FKTN: variants seen among roughly 807,000 people sequenced by gnomAD.
FKTN encodes the protein ribitol-5-phosphate transferase FKTN.
In FKTN, 47 loss-of-function variants were observed where a neutral mutation model predicts 58.6. The observed-to-expected ratio is 0.80, with a 90% CI of 0.63 to 1.02. The LOEUF (loss-of-function observed/expected upper bound fraction) is 1.02, where lower values mean the gene tolerates loss of function less well. FKTN is among the 50% of genes least tolerant of loss of function. The pLI, the probability that FKTN is intolerant of heterozygous loss-of-function variation, is 0.00. For synonymous variants in FKTN, 178 were observed against 191.9 expected, an observed-to-expected ratio of 0.93 and a Z score of 0.60; for missense variants, 516 against 537.3, an observed-to-expected ratio of 0.96 and a Z score of 0.39.
At chr9:105,608,435 C>A (rs1165310101) in intron 7 of FKTN, among the ~76,000 whole-genome samples, 1 of 152,176 alleles carries the variant, frequency 6.6e-6, no homozygotes, top group Non-Finnish European at 1.5e-5. Context: ...AAACTTTATT[C>A]TCTTGCTGCA....
intron 3 of FKTN, among the ~76,000 whole-genome samples, chr9:105,586,986 A>C (rs1047481366): frequency 1.1e-4 from 16 of 152,200 alleles, no homozygotes; most frequent in African/African-American, 3.6e-4. Context: ...CAGCTATTCC[A>C]ACATGTAAAT....
intron 2 of FKTN, chr9:105,574,265 T>C (rs73668913): frequency 2.6e-5 from 4 of 151,974 alleles, no homozygotes; most frequent in East Asian, 1.9e-4. Flanking sequence ...ATTTGAAGGA[T>C]TGAAGGAATA....
Position 105,575,017 on chromosome 9 carries a change from T to C in FKTN, c.-16T>C. 1 of 1,366,556 alleles carries C rather than the reference T, an allele frequency of 7.3e-7. No individual in the cohort carries two copies. Among genetic ancestry groups the C allele is most frequent in the Non-Finnish European group, 1.0e-6 (1 of 954,744 alleles). 84.7% of individuals were successfully genotyped at this position (1,366,556 alleles called of 1,614,324 possible). On this transcript the variant is annotated 5_prime_UTR_variant, in exon 3 of 11. Transcript: ENST00000357998. ...GAGATACTTTCAAAAGACAACCAAG[T>C]GAGCAGCACAGACTAATGAGTAGAA... is the stretch of plus-strand genomic sequence containing the variant.
At chr9:105,602,478 C>T (rs370047972) in intron 5 of FKTN, among the ~76,000 whole-genome samples, 1 of 152,212 alleles carries the variant, frequency 6.6e-6, no homozygotes, top group Non-Finnish European at 1.5e-5. Context: ...GAAGCAAAAG[C>T]TCAGCCATAC....
intron 3 of FKTN, among the ~76,000 whole-genome samples, chr9:105,585,722 C>T (rs1227185374): frequency 1.3e-5 from 2 of 152,124 alleles, no homozygotes; most frequent in East Asian, 3.9e-4. Context: ...CTCTGTTGTT[C>T]AATGAGCAGT....
chr9:105,602,891 TA>T (rs539994732), intron 5 of FKTN, among the ~76,000 whole-genome samples: 2 of 152,184 alleles, frequency 1.3e-5, no homozygotes, highest in Non-Finnish European at 2.9e-5. Flanking sequence ...TAGTCCCCCC[TA>T]AAACATCCCC....
At chr9:105,611,710 T>TGTA (rs1344764288) in intron 7 of FKTN, among the ~76,000 whole-genome samples, 3 of 152,240 alleles carry the variant, frequency 2.0e-5, no homozygotes. Flanking sequence ...TATTCCATGG[T>TGTA]GTATATATAC....
rs1291557414 is a variant in FKTN, at chr9:105,610,318, G to A, written c.780+2367G>A. 2.0e-5 allele frequency among the ~76,000 whole-genome samples: 3 copies of A among 152,014 alleles called. 1 individual carries two copies. The highest frequency in any genetic ancestry group is 7.3e-5 in the African/African-American group (3 of 41,292). ...GTTTCTCTCAGTGAACAGGGGTAGG[G>A]TGTATATGTCTGTGTGTATTTATTT... On this transcript the variant is annotated intron_variant, in intron 7 of 10. Transcript: ENST00000357998.
At chr9:105,618,529 T>C (rs1831239603) in intron 9 of FKTN, among the ~76,000 whole-genome samples, 1 of 152,194 alleles carries the variant, frequency 6.6e-6, no homozygotes, top group Admixed American at 6.5e-5. Flanking sequence ...CATAAAATAT[T>C]CCATTGATTG....
chr9:105,594,696 T>C lies in FKTN; in HGVS notation c.106-1902T>C, dbSNP rs1274799091. Among the ~76,000 whole-genome samples, 3 of 152,262 alleles carry C rather than the reference T, an allele frequency of 2.0e-5. No individual in the cohort carries two copies. In the East Asian group the frequency reaches 5.8e-4, roughly 29 times the overall value. ...GGGAGGTTGAGGCTGCAGTGAGCCG[T>C]GATCACGCCACTGCACTCCAGCCTG... is the stretch of plus-strand genomic sequence containing the variant. On this transcript the variant is annotated intron_variant, in intron 3 of 10. Coordinates refer to ENST00000357998, the MANE Select transcript of FKTN (RefSeq NM_001079802.2).
rs549067124 is a variant in FKTN at position 105,633,985 on chromosome 9, C to G, written c.1173-1066C>G. Among the ~76,000 whole-genome samples, 12 of 152,154 alleles carry G rather than the reference C, an allele frequency of 7.9e-5. No individual in the cohort carries two copies. In the East Asian group the frequency reaches 2.3e-3, roughly 29 times the overall value. On this transcript the variant is annotated intron_variant, in intron 10 of 10. Transcript: ENST00000357998. ...AAGTTCTTCCCACACTGAAACACTTCTCAGAAAAAAAATGCAGAATATAGA... is the reference window on the plus strand; with the variant it reads ...AAGTTCTTCCCACACTGAAACACTTGTCAGAAAAAAAATGCAGAATATAGA...
chr9:105,604,690 C>T (rs1464047955), intron 6 of FKTN, among the ~76,000 whole-genome samples, 198 bp downstream of exon 6: 1 of 152,172 alleles, frequency 6.6e-6, no homozygotes, highest in Non-Finnish European at 1.5e-5. Context: ...CACTGTGGCT[C>T]ATGCATGTAA....
intron 3 of FKTN, among the ~76,000 whole-genome samples, chr9:105,595,943 C>T (rs933329280): frequency 2.0e-5 from 3 of 152,148 alleles, no homozygotes; most frequent in Non-Finnish European, 4.4e-5. Context: ...ATTCTTTCTC[C>T]TCTTACTCTA....
intron 10 of FKTN, among the ~76,000 whole-genome samples, chr9:105,620,502 C>A (rs1489036409): frequency 6.6e-6 from 1 of 152,152 alleles, no homozygotes; most frequent in Non-Finnish European, 1.5e-5. Context: ...ATTAACCCAT[C>A]TAGTCCTCAA....
intron 3 of FKTN, among the ~76,000 whole-genome samples, chr9:105,586,465 A>G (rs1208410118): frequency 6.6e-6 from 1 of 152,192 alleles, no homozygotes; most frequent in African/African-American, 2.4e-5. Flanking sequence ...TTTTTATGCA[A>G]CCAACAGGAT....
chr9:105,582,029 G>A (rs892501064), intron 3 of FKTN, among the ~76,000 whole-genome samples: 17 of 152,130 alleles, frequency 1.1e-4, no homozygotes, highest in African/African-American at 3.4e-4. Flanking sequence ...TTCGGCTCGC[G>A]CACGGTGCGC....
Position 105,596,871 on chromosome 9 carries a change from T to A in FKTN, c.165+214T>A, listed in dbSNP as rs113105864. 1.4e-3 allele frequency: 794 copies of A among 572,042 alleles called. 8 individuals are homozygous for A. Among genetic ancestry groups the A allele is most frequent in the African/African-American group, 0.012 (644 of 53,462 alleles). 35.4% of individuals were successfully genotyped at this position (572,042 alleles called of 1,614,324 possible). A position where few individuals can be genotyped will look rare whatever the true frequency, so the allele number is the denominator to read the frequency against. The stretch of plus-strand genomic sequence containing the variant: ...AGAAAGTTTAAGAAGTGAGTAAATA[T>A]TGTTACTCTCAATTCACTTAGAGAG... On this transcript the variant is annotated intron_variant, in intron 4 of 10. Transcript: ENST00000357998.
At chr9:105,619,386 TATG>T (rs963759017) in intron 9 of FKTN, among the ~76,000 whole-genome samples, 5 of 152,190 alleles carry the variant, frequency 3.3e-5, no homozygotes, top group Admixed American at 2.6e-4. Context: ...TAATTATTTG[TATG>T]ATAAGTTTTC....
chr9:105,635,415 TCTCA>T lies in FKTN; in HGVS notation c.*154_*157del. The stretch of plus-strand genomic sequence containing the variant: ...CAGAAAGAGTCATCTGATGTAATTC[TCTCA>T]CTTAGTACTGAGGAATTTTCATGTG... On this transcript the variant is annotated 3_prime_UTR_variant, in exon 11 of 11. Transcript: ENST00000357998. The T allele has an allele frequency of 6.7e-7, 1 of 1,492,330 alleles. No homozygotes were observed. Among genetic ancestry groups the T allele is most frequent in the Non-Finnish European group, 8.9e-7 (1 of 1,126,690 alleles). 92.4% of individuals were successfully genotyped at this position (1,492,330 alleles called of 1,614,324 possible).
Sources: gnomAD v4.1 joint callset for allele counts (sites outside exome capture counted in the v4.1 genomes callset) on GRCh38, gnomAD v4.1.1 for gene constraint, MANE v1.5 for transcripts, NCBI Gene and HGNC (gene_info 2026-07-23, HGNC 2026-07-21) for gene names.